Variants in CA10 observed in about 807,000 individuals in gnomAD.
CA10 encodes the protein carbonic anhydrase 10 (inactive), also known as carbonic anhydrase-related protein 10.
In CA10, 14 loss-of-function variants were observed where a neutral mutation model predicts 44.2. The ratio of observed to expected loss-of-function variants is 0.32; its 90% CI spans 0.21 to 0.50. CA10 has a LOEUF of 0.50. CA10 is among the 20% of genes least tolerant of loss of function. The probability of loss-of-function intolerance (pLI) is 0.99; values close to 1 mark genes in which losing one functional copy is unlikely to be tolerated. For synonymous variants in CA10, 159 were observed against 141.6 expected (o/e 1.12, Z -0.87); for missense variants, 350 against 409.7 (o/e 0.85, Z 1.26).
intron 1 of CA10, among the ~76,000 whole-genome samples, chr17:52,108,859 G>T (rs1414296497): frequency 6.6e-6 from 1 of 151,736 alleles, no homozygotes; most frequent in African/African-American, 2.4e-5. Flanking sequence ...CACCACTAAA[G>T]AACTTACCCA....
intron 2 of CA10, among the ~76,000 whole-genome samples, chr17:52,008,105 A>C (rs752932727): frequency 6.6e-6 from 1 of 151,624 alleles, no homozygotes; most frequent in Non-Finnish European, 1.5e-5. Context: ...TCTTTAATAC[A>C]ATCAGTTTTA....
intron 1 of CA10, among the ~76,000 whole-genome samples, chr17:52,087,751 G>C (rs1248606953): frequency 6.6e-6 from 1 of 152,112 alleles, no homozygotes; most frequent in Non-Finnish European, 1.5e-5. Flanking sequence ...TCAGAAAAAT[G>C]AAAATACAAC....
chr17:51,794,786 C>A (rs1411614336), intron 3 of CA10, among the ~76,000 whole-genome samples: 1 of 152,076 alleles, frequency 6.6e-6, no homozygotes. Context: ...AGAGTACAAC[C>A]CAGGAAATGT....
intron 4 of CA10, among the ~76,000 whole-genome samples, chr17:51,681,828 G>A (rs766228881): frequency 5.3e-5 from 8 of 152,034 alleles, no homozygotes; most frequent in South Asian, 4.2e-4. Flanking sequence ...CCCTCCCCCT[G>A]CCACCCTTCT....
chr17:51,882,066 C>CAAAAA (rs57495108), intron 3 of CA10, among the ~76,000 whole-genome samples: 20 of 81,742 alleles, frequency 2.4e-4, no homozygotes, highest in East Asian at 4.2e-4. Flanking sequence ...GCAGTGGCAA[C>CAAAAA]AAAAAAAAAA....
intron 3 of CA10, among the ~76,000 whole-genome samples, chr17:51,759,782 T>G (rs1905170512): frequency 6.6e-6 from 1 of 152,086 alleles, no homozygotes; most frequent in Non-Finnish European, 1.5e-5. Context: ...GGGGAAGGGG[T>G]ACAGTAATAT....
intron 3 of CA10, among the ~76,000 whole-genome samples, chr17:51,827,318 T>G (rs555166869): frequency 4.7e-5 from 7 of 150,218 alleles, no homozygotes; most frequent in Middle Eastern, 6.8e-3. Context: ...TATGCACCAC[T>G]AGGAGAGAAA....
intron 4 of CA10, among the ~76,000 whole-genome samples, chr17:51,695,351 T>G (rs1445516814): frequency 6.6e-6 from 1 of 152,136 alleles, no homozygotes; most frequent in African/African-American, 2.4e-5. Flanking sequence ...GTTTTGTTTT[T>G]GTTTTTGTAA....
intron 3 of CA10, among the ~76,000 whole-genome samples, chr17:51,856,014 CT>C (rs755463656): frequency 1.1e-4 from 16 of 152,162 alleles, no homozygotes; most frequent in Non-Finnish European, 1.9e-4. Flanking sequence ...CAGTAAGGCT[CT>C]TTCAGCTCTG....
chr17:51,835,168 G>A (rs1349865627), intron 3 of CA10, among the ~76,000 whole-genome samples: 1 of 152,214 alleles, frequency 6.6e-6, no homozygotes, highest in African/African-American at 2.4e-5. Flanking sequence ...TTCCTAGACT[G>A]ATGTCAGCCC....
At chr17:52,111,565 G>C (rs1039139045) in intron 1 of CA10, among the ~76,000 whole-genome samples, 4 of 152,220 alleles carry the variant, frequency 2.6e-5, no homozygotes, top group South Asian at 2.1e-4. Context: ...ATGTATACAG[G>C]TCCCAGTACC....
intron 3 of CA10, among the ~76,000 whole-genome samples, chr17:51,919,906 C>T (rs1036215733): frequency 9.9e-5 from 15 of 152,156 alleles, no homozygotes; most frequent in African/African-American, 3.6e-4. Flanking sequence ...CCTGCCTTGG[C>T]CTGCTAAAGT....
chr17:51,760,569 C>T (rs757684997), intron 3 of CA10, among the ~76,000 whole-genome samples: 8 of 152,078 alleles, frequency 5.3e-5, no homozygotes, highest in Non-Finnish European at 1.0e-4. Flanking sequence ...GAGAGAAATG[C>T]AGGAAAAGGA....
chr17:51,672,641 C>T (rs1914470097), intron 4 of CA10, among the ~76,000 whole-genome samples: 1 of 152,144 alleles, frequency 6.6e-6, no homozygotes, highest in Non-Finnish European at 1.5e-5. Context: ...ATATCAGATC[C>T]TGGCTCTTAA....
intron 2 of CA10, among the ~76,000 whole-genome samples, chr17:52,032,315 G>C (rs1458816273): frequency 6.6e-6 from 1 of 152,030 alleles, no homozygotes; most frequent in Non-Finnish European, 1.5e-5. Context: ...CATTCTGCAA[G>C]GAATCTTCCT....
chr17:51,642,442 G>A (rs17695254), intron 6 of CA10, among the ~76,000 whole-genome samples: 1 of 151,912 alleles, frequency 6.6e-6, no homozygotes, highest in Non-Finnish European at 1.5e-5. Flanking sequence ...GCCTACACAT[G>A]CATCTTTTAG....
chr17:51,723,739 C>A (rs968263416), intron 4 of CA10, among the ~76,000 whole-genome samples: 1 of 152,192 alleles, frequency 6.6e-6, no homozygotes, highest in South Asian at 2.1e-4. Flanking sequence ...AAATCAGAAT[C>A]CTTCATGTCT....
chr17:51,779,022 G>A (rs207476442), intron 3 of CA10, among the ~76,000 whole-genome samples: 1 of 152,128 alleles, frequency 6.6e-6, no homozygotes, highest in Admixed American at 6.5e-5. Flanking sequence ...GAGAGTCTGT[G>A]GCAGGAAGTA....
chr17:51,805,808 T>C (rs986467348), intron 3 of CA10, among the ~76,000 whole-genome samples: 2 of 152,206 alleles, frequency 1.3e-5, no homozygotes, highest in Non-Finnish European at 2.9e-5. Context: ...CTTCTTTCTA[T>C]AGATTTGCCT....
Sources: gnomAD v4.1 joint callset for allele counts (sites outside exome capture counted in the v4.1 genomes callset) on GRCh38, gnomAD v4.1.1 for gene constraint, MANE v1.5 for transcripts, NCBI Gene and HGNC (gene_info 2026-07-23, HGNC 2026-07-21) for gene names.